The following ACADVL variants were observed in gnomAD, a reference collection of about 807,000 sequenced individuals.
The protein encoded by ACADVL is acyl-CoA dehydrogenase very long chain.
A neutral mutation model predicts 80.4 loss-of-function variants in ACADVL; 73 were observed. The observed-to-expected ratio is 0.91, with a 90% CI of 0.75 to 1.10. The LOEUF (loss-of-function observed/expected upper bound fraction) is 1.10. Among genes scored for constraint, ACADVL ranks in the 50% least tolerant of loss-of-function variants. ACADVL has a pLI of 0.00. For synonymous variants in ACADVL, 392 were observed against 326.5 expected, an observed-to-expected ratio of 1.20 and a Z score of -2.16; for missense variants, 878 against 858.9, an observed-to-expected ratio of 1.02 and a Z score of -0.28.
upstream of ACADVL, chr17:7,218,111 C>A: frequency 2.4e-6 from 2 of 822,010 alleles, no homozygotes; most frequent in South Asian, 1.7e-5. Context: ...TGCCCCAAGT[C>A]CCTGGGCCAC....
chr17:7,225,126 A>T lies in ACADVL; in HGVS notation c.*29A>T, dbSNP rs2071417724. 6.2e-7 allele frequency: 1 copy of T among 1,613,606 alleles called. No individual in the cohort carries two copies. The highest frequency in any genetic ancestry group is 8.5e-7 in the Non-Finnish European group (1 of 1,180,022). Reference sequence around the variant, plus strand: ...CTCCCGGCCAGGGCCTGTCCCAGTTATGTGCCTTCCCTCAAGCCAAAGCCG... The same window carrying T: ...CTCCCGGCCAGGGCCTGTCCCAGTTTTGTGCCTTCCCTCAAGCCAAAGCCG... On this transcript the variant is annotated 3_prime_UTR_variant, in exon 20 of 20. Coordinates refer to ENST00000356839, the MANE Select transcript of ACADVL (RefSeq NM_000018.4).
intron 6 of ACADVL, 157 bp from the exon 7 acceptor site, chr17:7,221,381 C>A: frequency 7.5e-7 from 1 of 1,332,028 alleles, no homozygotes; most frequent in South Asian, 1.2e-5. Flanking sequence ...TTTGCACACC[C>A]CACTTCTTTT....
intron 2 of ACADVL, 23 bp downstream of exon 2, chr17:7,220,220 A>G (rs769052548): frequency 6.5e-7 from 1 of 1,527,582 alleles, no homozygotes; most frequent in South Asian, 1.2e-5. Flanking sequence ...AGCCTTGGCA[A>G]GGGGGTGTGG....
At position 7,225,108 on chromosome 17, in the gene ACADVL, C is replaced by T; in HGVS notation, c.*11C>T. The T allele has an allele frequency of 1.9e-6, 3 of 1,614,054 alleles. No homozygotes were observed. Among genetic ancestry groups the T allele is most frequent in the Non-Finnish European group, 2.5e-6 (3 of 1,180,034 alleles). On this transcript the variant is annotated 3_prime_UTR_variant, in exon 20 of 20. Coordinates refer to ENST00000356839, the MANE Select transcript of ACADVL (RefSeq NM_000018.4). ...CCACTTGGCTTCTGAATACTCCCGG[C>T]CAGGGCCTGTCCCAGTTATGTGCCT...
chr17:7,219,823 C>T (rs1262480100), upstream of ACADVL: 5 of 1,533,222 alleles, frequency 3.3e-6, no homozygotes, highest in Admixed American at 2.0e-5. Flanking sequence ...CAGGGCCGGG[C>T]TCCAGGGAAC....
upstream of ACADVL, chr17:7,218,791 G>C (rs781265872): frequency 6.2e-7 from 1 of 1,612,314 alleles, no homozygotes; most frequent in Admixed American, 1.7e-5. Context: ...CCCCCACTTC[G>C]CTCCCAGACC....
chr17:7,221,792 G>A (rs2071241840), intron 7 of ACADVL, 110 bp downstream of exon 7: 1 of 1,596,342 alleles, frequency 6.3e-7, no homozygotes, highest in Non-Finnish European at 8.6e-7. Context: ...GTTGGGGGAA[G>A]GTTTTGGGGA....
At chr17:7,220,297 AC>A in intron 2 of ACADVL, 100 bp downstream of exon 2, 1 of 1,502,880 alleles carries the variant, frequency 6.7e-7, no homozygotes, top group Non-Finnish European at 9.0e-7. Context: ...GTACCTGCCT[AC>A]TGCTCAGTCG....
Position 7,225,131 on chromosome 17 carries a change from C to T in ACADVL, c.*34C>T. On this transcript the variant is annotated 3_prime_UTR_variant, in exon 20 of 20. Transcript: ENST00000356839. ...GGCCAGGGCCTGTCCCAGTTATGTG[C>T]CTTCCCTCAAGCCAAAGCCGAAGCC... is the stretch of plus-strand genomic sequence containing the variant. The T allele has an allele frequency of 6.2e-7, 1 of 1,613,668 alleles. No homozygotes were observed. Among genetic ancestry groups the T allele is most frequent in the African/African-American group, 1.3e-5 (1 of 75,056 alleles).
At position 7,225,257 on chromosome 17, in the gene ACADVL, T is replaced by C. The variant is rs2071421825; in HGVS notation, c.*160T>C. 4.2e-6 allele frequency: 4 copies of C among 959,644 alleles called. No homozygotes were observed. Among genetic ancestry groups the C allele is most frequent in the Admixed American group, 2.3e-5 (1 of 42,614 alleles). 59.4% of individuals were successfully genotyped at this position (959,644 alleles called of 1,614,324 possible). On this transcript the variant is annotated 3_prime_UTR_variant, in exon 20 of 20. Coordinates refer to ENST00000356839, the MANE Select transcript of ACADVL (RefSeq NM_000018.4). ...CTGCCTCGCAAATAATAAAAATTTC[T>C]AGCCAGTCATGCTTTGCTCCTGTGT... is the stretch of plus-strand genomic sequence containing the variant.
upstream of ACADVL, chr17:7,218,944 T>C: frequency 7.3e-7 from 1 of 1,372,956 alleles, no homozygotes; most frequent in Non-Finnish European, 1.0e-6. Flanking sequence ...AAGTAGGCCG[T>C]CTCTGAGCCG....
chr17:7,221,848 C>T, intron 7 of ACADVL, 104 bp from the exon 8 acceptor site: 2 of 1,598,160 alleles, frequency 1.3e-6, no homozygotes, highest in Non-Finnish European at 1.7e-6. Context: ...ACTGGATACT[C>T]CCAGGTGTTA....
chr17:7,220,900 T>C (rs1037037972), intron 5 of ACADVL, 24 bp from the exon 6 acceptor site: 2 of 1,614,102 alleles, frequency 1.2e-6, no homozygotes, highest in South Asian at 1.1e-5. Flanking sequence ...GGAGCCTGGA[T>C]GTGGGATCCT....
chr17:7,224,643 TGAACAGTTTCTGCTGCAGCG>T lies in ACADVL; in HGVS notation c.1682_1701del (p.Glu561AlafsTer24). 2.9e-6 allele frequency: 3 copies of T among 1,033,438 alleles called. No homozygotes were observed. The highest frequency in any genetic ancestry group is 3.9e-6 in the Non-Finnish European group (3 of 769,890). The allele number at this position is 1,033,438 out of a possible 1,614,324, so 64.0% of individuals were successfully genotyped here. On this transcript the variant is annotated frameshift_variant and splice_region_variant, in exon 18 of 20. Transcript: ENST00000356839. LOFTEE classifies it high-confidence loss of function. ...ACCCCCACCCCACCTACCGGACAGA[TGAACAGTTTCTGCTGCAGCG>T]GCTGGCAGACGGGGCCATCGACCTC...
chr17:7,217,578 G>T, upstream of ACADVL: 1 of 1,357,746 alleles, frequency 7.4e-7, no homozygotes, highest in Non-Finnish European at 9.5e-7. Context: ...GTTGGAAACG[G>T]CAGCGGCCGA....
At chr17:7,221,727 C>T in intron 7 of ACADVL, 45 bp downstream of exon 7, 1 of 1,612,978 alleles carries the variant, frequency 6.2e-7, no homozygotes, top group Middle Eastern at 1.7e-4. Context: ...GCACACTGGG[C>T]TTGGCACAGA....
Position 7,225,089 on chromosome 17 carries a change from G to A in ACADVL, c.1960G>A (p.Gly654Ser). 6.2e-7 allele frequency: 1 copy of A among 1,614,094 alleles called. No homozygotes were observed. The highest frequency in any genetic ancestry group is 1.1e-5 in the South Asian group (1 of 91,086). ...RGGVVTSNPL[G>S]F is the part of the protein sequence containing the mutation. Reference sequence around the variant, plus strand: ...TGGTGTGGTCACCAGCAACCCACTTGGCTTCTGAATACTCCCGGCCAGGGC... The same window carrying A: ...TGGTGTGGTCACCAGCAACCCACTTAGCTTCTGAATACTCCCGGCCAGGGC... The change falls in exon 20 of 20, where the codon GGC becomes AGC. Residue 654 changes from glycine to serine, a missense_variant. Transcript: ENST00000356839.
Position 7,220,496 on chromosome 17 carries a change from T to TGAC in ACADVL, c.173_175dup (p.Asp58dup). 1.2e-6 allele frequency: 2 copies of TGAC among 1,614,196 alleles called. No individual in the cohort carries two copies. The highest frequency in any genetic ancestry group is 1.7e-6 in the Non-Finnish European group (2 of 1,180,024). On this transcript the variant is annotated inframe_insertion, in exon 3 of 20. Coordinates refer to ENST00000356839, the MANE Select transcript of ACADVL (RefSeq NM_000018.4). ...TGGACAAGTCAGATTCCCACCCCTCTGACGCTCTGACCAGGAAAAAACCGG... is the reference window on the plus strand; with the variant it reads ...TGGACAAGTCAGATTCCCACCCCTCTGACGACGCTCTGACCAGGAAAAAACCGG...
chr17:7,223,866 CT>C lies in ACADVL; in HGVS notation c.1325del (p.Phe442SerfsTer2). The part of the protein sequence containing the change: ...ECIQIMGGMG[F>X]MKEPGVERVL... ...GCATCCAAATCATGGGGGGTATGGG[CT>C]TCATGAAGGTACAGGACGGTCTTCT... On this transcript the variant is annotated frameshift_variant, in exon 13 of 20. Coordinates refer to ENST00000356839, the MANE Select transcript of ACADVL (RefSeq NM_000018.4). LOFTEE classifies it high-confidence loss of function. 1 of 1,614,052 alleles carries C rather than the reference CT, an allele frequency of 6.2e-7. No individual in the cohort carries two copies. The highest frequency in any genetic ancestry group is 8.5e-7 in the Non-Finnish European group (1 of 1,180,024).
Sources: gnomAD v4.1 joint callset for allele counts on GRCh38, gnomAD v4.1.1 for gene constraint, MANE v1.5 for transcripts, NCBI Gene and HGNC (gene_info 2026-07-23, HGNC 2026-07-21) for gene names.